LRP1B: variants seen among roughly 807,000 people sequenced by gnomAD.
LRP1B encodes the protein LDL receptor related protein 1B.
Under a neutral mutation model 556.6 loss-of-function variants are expected in LRP1B, and 217 were observed. The ratio of observed to expected loss-of-function variants is 0.39; its 90% confidence interval spans 0.35 to 0.44. The LOEUF (loss-of-function observed/expected upper bound fraction) is 0.44, where lower values mean the gene tolerates loss of function less well. Ranked by LOEUF, LRP1B falls within the 20% of genes least tolerant of loss-of-function variation. The probability of loss-of-function intolerance (pLI) is 1.00; values close to 1 mark genes in which losing one functional copy is unlikely to be tolerated. For synonymous variants in LRP1B, 2,047 were observed against 1,865.8 expected, an observed-to-expected ratio of 1.10 and a Z score of -2.50; for missense variants, 5,053 against 5,620.8, an observed-to-expected ratio of 0.90 and a Z score of 3.23.
intron 3 of LRP1B, among the ~76,000 whole-genome samples, chr2:141,437,898 A>G (rs1680822080): frequency 6.6e-6 from 1 of 152,112 alleles, no homozygotes; most frequent in South Asian, 2.1e-4. Flanking sequence ...TGGAGTTTAC[A>G]TGTGTCCTTA....
chr2:140,459,712 T>C (rs182049575), intron 60 of LRP1B, among the ~76,000 whole-genome samples: 1 of 152,314 alleles, frequency 6.6e-6, no homozygotes, highest in Non-Finnish European at 1.5e-5. Context: ...ATGGTTTGGC[T>C]CCGTGTCTCC....
At chr2:141,423,197 A>T (rs912020027) in intron 3 of LRP1B, among the ~76,000 whole-genome samples, 1 of 151,664 alleles carries the variant, frequency 6.6e-6, no homozygotes, top group African/African-American at 2.4e-5. Context: ...TTCACTATGC[A>T]CATGTATTGC....
rs1336053150 is a variant in LRP1B at position 140,701,705 on chromosome 2, T to C, written c.6427+16A>G. 7.5e-6 allele frequency: 12 copies of C among 1,605,518 alleles called. No individual in the cohort carries two copies. The highest frequency in any genetic ancestry group is 1.0e-5 in the Non-Finnish European group (12 of 1,176,544). ...CATAAAATATACATATTATGTATTC[T>C]TTCAAGAGTGCTGACCTTTCTCTCT... On this transcript the variant is annotated intron_variant, in intron 40 of 90. Transcript: ENST00000389484.
At chr2:141,900,708 A>AT (rs1345619694) in intron 1 of LRP1B, among the ~76,000 whole-genome samples, 3 of 152,052 alleles carry the variant, frequency 2.0e-5, no homozygotes, top group South Asian at 4.1e-4. Context: ...TTCAATTTAT[A>AT]TTTTTTACAT....
chr2:140,747,508 TCA>T (rs1442370734), intron 35 of LRP1B, among the ~76,000 whole-genome samples: 1 of 152,136 alleles, frequency 6.6e-6, no homozygotes, highest in African/African-American at 2.4e-5. Flanking sequence ...CACACCATAG[TCA>T]CAGTGCTGCT....
At chr2:141,917,662 T>C (rs935107209) in intron 1 of LRP1B, among the ~76,000 whole-genome samples, 1 of 152,176 alleles carries the variant, frequency 6.6e-6, no homozygotes, top group Non-Finnish European at 1.5e-5. Flanking sequence ...ATCCAATTCG[T>C]TGGATGTTAG....
intron 35 of LRP1B, 27 bp downstream of exon 35, chr2:140,769,186 A>C (rs769209605): frequency 6.2e-7 from 1 of 1,602,790 alleles, no homozygotes; most frequent in Non-Finnish European, 8.5e-7. Context: ...TATATTATGC[A>C]TAAATTATGA....
intron 2 of LRP1B, among the ~76,000 whole-genome samples, chr2:141,728,065 G>T (rs1693110422): frequency 6.6e-6 from 1 of 152,064 alleles, no homozygotes; most frequent in South Asian, 2.1e-4. Flanking sequence ...TCAGAGAGTA[G>T]CAGTATTTTT....
chr2:140,585,326 G>A (rs7604652), intron 43 of LRP1B, among the ~76,000 whole-genome samples: 143,948 of 152,116 alleles, frequency 0.95, 68,124 homozygotes, highest in East Asian at 1. Flanking sequence ...AAATGTCCTC[G>A]GCTTACTAAA....
At chr2:140,250,019 C>T (rs1312923088) in intron 86 of LRP1B, among the ~76,000 whole-genome samples, 2 of 151,868 alleles carry the variant, frequency 1.3e-5, no homozygotes, top group Non-Finnish European at 2.9e-5. Context: ...ATTCCTCAAG[C>T]AAAATCCATA....
At chr2:141,793,512 A>G (rs1574365873) in intron 2 of LRP1B, among the ~76,000 whole-genome samples, 1 of 152,064 alleles carries the variant, frequency 6.6e-6, no homozygotes, top group Admixed American at 6.6e-5. Flanking sequence ...GAAGGGTAAT[A>G]GATTATAATT....
chr2:141,895,719 G>A (rs904866771), intron 1 of LRP1B, among the ~76,000 whole-genome samples: 1 of 152,040 alleles, frequency 6.6e-6, no homozygotes, highest in Non-Finnish European at 1.5e-5. Context: ...TATAGAAATC[G>A]TTGTCCTTAC....
Position 140,321,943 on chromosome 2 carries a change from G to T in LRP1B, c.12640+20C>A. 6.3e-7 allele frequency: 1 copy of T among 1,598,252 alleles called. No homozygotes were observed. Among genetic ancestry groups the T allele is most frequent in the South Asian group, 1.1e-5 (1 of 89,350 alleles). Reference sequence around the variant, plus strand: ...GATAAGGATTAATTCATTATTTACAGAATAATAAAGTATACCCACCTAACA... The same window carrying T: ...GATAAGGATTAATTCATTATTTACATAATAATAAAGTATACCCACCTAACA... On this transcript the variant is annotated intron_variant, in intron 82 of 90. Coordinates refer to ENST00000389484, the MANE Select transcript of LRP1B (RefSeq NM_018557.3).
At chr2:141,393,216 CAT>C (rs1332737545) in intron 3 of LRP1B, among the ~76,000 whole-genome samples, 1 of 151,934 alleles carries the variant, frequency 6.6e-6, no homozygotes, top group Non-Finnish European at 1.5e-5. Flanking sequence ...TATCAAAACA[CAT>C]AAACATACAC....
intron 1 of LRP1B, among the ~76,000 whole-genome samples, chr2:141,998,402 C>T (rs1049152215): frequency 2.6e-5 from 4 of 152,010 alleles, no homozygotes; most frequent in East Asian, 1.9e-4. Context: ...CTAGTGATAC[C>T]GTACTTCTAA....
At chr2:140,443,667 T>A (rs1686527297) in intron 65 of LRP1B, among the ~76,000 whole-genome samples, 1 of 152,256 alleles carries the variant, frequency 6.6e-6, no homozygotes, top group Non-Finnish European at 1.5e-5. Context: ...CGTGCAAGCA[T>A]GTGCATGCCA....
intron 2 of LRP1B, among the ~76,000 whole-genome samples, chr2:141,496,358 T>C (rs1004787528): frequency 2.0e-5 from 3 of 152,050 alleles, no homozygotes; most frequent in Non-Finnish European, 2.9e-5. Context: ...TAGATATTTG[T>C]TGGAATTAAA....
intron 43 of LRP1B, among the ~76,000 whole-genome samples, chr2:140,581,382 G>A (rs911112788): frequency 3.3e-5 from 5 of 152,020 alleles, no homozygotes; most frequent in African/African-American, 7.2e-5. Context: ...CTTCAGATAC[G>A]CTTTTTGTCC....
At chr2:141,741,840 T>A (rs568531209) in intron 2 of LRP1B, among the ~76,000 whole-genome samples, 1 of 152,188 alleles carries the variant, frequency 6.6e-6, no homozygotes, top group Non-Finnish European at 1.5e-5. Flanking sequence ...CCTGTGCTTG[T>A]GGGATATTGC....
Sources: gnomAD v4.1 joint callset for allele counts (sites outside exome capture counted in the v4.1 genomes callset) on GRCh38, gnomAD v4.1.1 for gene constraint, MANE v1.5 for transcripts, NCBI Gene and HGNC (gene_info 2026-07-23, HGNC 2026-07-21) for gene names.